Variants in RERG observed in about 807,000 individuals in gnomAD.
The protein encoded by RERG is RAS like estrogen regulated growth inhibitor.
A neutral mutation model predicts 23.2 loss-of-function variants in RERG; 25 were observed. The observed-to-expected ratio is 1.08, with a 90% CI of 0.79 to 1.50. The LOEUF (loss-of-function observed/expected upper bound fraction) is 1.50, where lower values mean the gene tolerates loss of function less well. Among genes scored for constraint, RERG ranks in the 40% most tolerant of loss-of-function variants. The pLI is 0.00. For synonymous variants in RERG, 81 were observed against 89.1 expected, an observed-to-expected ratio of 0.91 and a Z score of 0.51; for missense variants, 253 against 250.1, an observed-to-expected ratio of 1.01 and a Z score of -0.08.
chr12:15,188,730 A>ACC (rs1865027436), intron 2 of RERG, among the ~76,000 whole-genome samples: 1 of 152,214 alleles, frequency 6.6e-6, no homozygotes. Context: ...GCTCAATAGT[A>ACC]TGAGATTATT....
chr12:15,124,274 C>A (rs1017217137), intron 2 of RERG, among the ~76,000 whole-genome samples: 5 of 114,854 alleles, frequency 4.4e-5, no homozygotes, highest in Non-Finnish European at 9.7e-5. Context: ...CAAAATAATT[C>A]CTGACATCAT....
At chr12:15,124,104 G>T (rs970653876) in intron 2 of RERG, among the ~76,000 whole-genome samples, 1 of 151,922 alleles carries the variant, frequency 6.6e-6, no homozygotes, top group Non-Finnish European at 1.5e-5. Context: ...TGGAAAATTT[G>T]GTAAAGAAAC....
intron 3 of RERG, among the ~76,000 whole-genome samples, chr12:15,115,773 T>G (rs1343071184): frequency 6.6e-6 from 1 of 152,192 alleles, no homozygotes; most frequent in Non-Finnish European, 1.5e-5. Context: ...TTTTGACCGC[T>G]GTTTTCTGTT....
intron 3 of RERG, among the ~76,000 whole-genome samples, chr12:15,112,643 A>C (rs1863641759): frequency 6.6e-6 from 1 of 152,242 alleles, no homozygotes; most frequent in Non-Finnish European, 1.5e-5. Context: ...GATTGACCTG[A>C]TGAGAGTTAG....
chr12:15,210,986 C>A (rs1327828106), intron 2 of RERG, among the ~76,000 whole-genome samples: 4 of 152,154 alleles, frequency 2.6e-5, no homozygotes, highest in African/African-American at 9.7e-5. Context: ...CCACCAACTA[C>A]ACAAGAAATC....
At chr12:15,213,284 A>C (rs923390385) in intron 2 of RERG, among the ~76,000 whole-genome samples, 2 of 152,240 alleles carry the variant, frequency 1.3e-5, no homozygotes, top group African/African-American at 4.8e-5. Context: ...ATTTAAATAA[A>C]AATGTGTGCA....
chr12:15,150,329 T>C (rs1294622876), intron 2 of RERG, among the ~76,000 whole-genome samples: 1 of 152,146 alleles, frequency 6.6e-6, no homozygotes, highest in Non-Finnish European at 1.5e-5. Flanking sequence ...CAAAACAAGA[T>C]GGCGAGCTGA....
At chr12:15,203,490 A>G (rs1454395993) in intron 2 of RERG, among the ~76,000 whole-genome samples, 6 of 151,662 alleles carry the variant, frequency 4.0e-5, no homozygotes, top group Non-Finnish European at 4.4e-5. Context: ...AATCAAAGCT[A>G]TTTTTCTAAG....
intron 2 of RERG, among the ~76,000 whole-genome samples, chr12:15,195,124 T>C (rs1865125117): frequency 1.3e-5 from 2 of 152,114 alleles, no homozygotes; most frequent in South Asian, 4.2e-4. Flanking sequence ...AACATCATTA[T>C]AGTCATGGCT....
intron 2 of RERG, among the ~76,000 whole-genome samples, chr12:15,207,420 A>G (rs758619360): frequency 1.8e-4 from 27 of 152,142 alleles, no homozygotes; most frequent in Admixed American, 1.3e-4. Flanking sequence ...GGTTTGGCTC[A>G]GCAATGGCAT....
intron 2 of RERG, among the ~76,000 whole-genome samples, chr12:15,188,533 T>G (rs894526690): frequency 2.6e-5 from 4 of 152,102 alleles, no homozygotes; most frequent in African/African-American, 9.6e-5. Context: ...GCTCCAACTC[T>G]GACTCCTGCC....
intron 2 of RERG, among the ~76,000 whole-genome samples, chr12:15,166,675 T>C (rs971000923): frequency 8.5e-5 from 13 of 152,104 alleles, no homozygotes; most frequent in Non-Finnish European, 1.9e-4. Flanking sequence ...TGGTAAGATA[T>C]GGTGCTTTGA....
intron 2 of RERG, among the ~76,000 whole-genome samples, chr12:15,193,768 TG>T (rs1865104413): frequency 6.6e-6 from 1 of 152,182 alleles, no homozygotes; most frequent in South Asian, 2.1e-4. Context: ...GGGTCTGGTT[TG>T]GATGGAAAAA....
intron 2 of RERG, among the ~76,000 whole-genome samples, chr12:15,212,042 C>CTTTTTTTTTTTTTTTTTTTTTTTTT (rs772353150): frequency 6.2e-5 from 4 of 64,728 alleles, no homozygotes; most frequent in Non-Finnish European, 6.1e-5. Flanking sequence ...CACGAATAAA[C>CTTTTTTTTTTTTTTTTTTTTTTTTT]TTTTTTTTTT....
At chr12:15,188,129 G>A (rs768066198) in intron 2 of RERG, among the ~76,000 whole-genome samples, 2 of 152,124 alleles carry the variant, frequency 1.3e-5, no homozygotes, top group Non-Finnish European at 2.9e-5. Flanking sequence ...GCAAGGCCAC[G>A]TGGCTAATTA....
chr12:15,148,329 T>C (rs1013768259), intron 2 of RERG, among the ~76,000 whole-genome samples: 1 of 151,910 alleles, frequency 6.6e-6, no homozygotes, highest in African/African-American at 2.4e-5. Flanking sequence ...AAAAGGAAGA[T>C]TGGGAATGTT....
intron 2 of RERG, among the ~76,000 whole-genome samples, chr12:15,190,933 G>A (rs1346457908): frequency 1.3e-5 from 2 of 152,090 alleles, no homozygotes; most frequent in East Asian, 3.9e-4. Context: ...GCCTCCCCAG[G>A]TTGTCAGTAG....
intron 2 of RERG, among the ~76,000 whole-genome samples, chr12:15,164,364 C>G: frequency 6.6e-6 from 1 of 152,220 alleles, no homozygotes; most frequent in Non-Finnish European, 1.5e-5. Flanking sequence ...CCACATGAGC[C>G]TTCTCTGAAC....
chr12:15,167,857 T>A (rs1007881040), intron 2 of RERG, among the ~76,000 whole-genome samples: 1 of 152,178 alleles, frequency 6.6e-6, no homozygotes, highest in African/African-American at 2.4e-5. Flanking sequence ...TTTTAATTGG[T>A]TTTTTGCTCA....
Sources: gnomAD v4.1 joint callset for allele counts (sites outside exome capture counted in the v4.1 genomes callset) on GRCh38, gnomAD v4.1.1 for gene constraint, MANE v1.5 for transcripts, NCBI Gene and HGNC (gene_info 2026-07-23, HGNC 2026-07-21) for gene names.